NRXN3: variants seen among roughly 807,000 people sequenced by gnomAD.
The protein encoded by NRXN3 is neurexin III.
A neutral mutation model predicts 137.6 loss-of-function variants in NRXN3; 32 were observed. That is an observed-to-expected ratio of 0.23 (90% CI 0.18 to 0.31). The LOEUF is 0.31. Among genes scored for constraint, NRXN3 ranks in the 10% least tolerant of loss-of-function variants. NRXN3 has a pLI of 1.00. For synonymous variants in NRXN3, 798 were observed against 784.5 expected, an observed-to-expected ratio of 1.02 and a Z score of -0.29; for missense variants, 1,574 against 2,062.5, an observed-to-expected ratio of 0.76 and a Z score of 4.59.
chr14:78,998,762 CTTT>C (rs1237108042), intron 15 of NRXN3, among the ~76,000 whole-genome samples: 1 of 119,796 alleles, frequency 8.3e-6, no homozygotes. Flanking sequence ...CCATGCCCAG[CTTT>C]TTTTTTTTTT....
chr14:79,088,509 T>G (rs1161808989), intron 15 of NRXN3, among the ~76,000 whole-genome samples: 1 of 140,062 alleles, frequency 7.1e-6, no homozygotes, highest in African/African-American at 3.3e-5. Flanking sequence ...GTGTATAATA[T>G]GTTTGAATAT....
intron 10 of NRXN3, among the ~76,000 whole-genome samples, chr14:78,920,238 G>C (rs537316317): frequency 7.9e-5 from 12 of 152,322 alleles, no homozygotes; most frequent in Non-Finnish European, 1.3e-4. Flanking sequence ...GGAAAAGACA[G>C]ACTGGTGAAC....
At chr14:79,819,677 G>A (rs565780048) in intron 20 of NRXN3, among the ~76,000 whole-genome samples, 27 of 151,744 alleles carry the variant, frequency 1.8e-4, no homozygotes, top group African/African-American at 6.5e-4. Flanking sequence ...TAGAGACGGG[G>A]TTTCACCATG....
chr14:78,535,963 G>A (rs944683376), intron 4 of NRXN3, among the ~76,000 whole-genome samples: 6 of 151,738 alleles, frequency 4.0e-5, no homozygotes, highest in South Asian at 2.1e-4. Flanking sequence ...TTTTTTAATC[G>A]TGTGAAGCCA....
intron 20 of NRXN3, among the ~76,000 whole-genome samples, chr14:79,846,815 A>T (rs2099376015): frequency 6.6e-6 from 1 of 152,162 alleles, no homozygotes; most frequent in Admixed American, 6.5e-5. Flanking sequence ...TTTTCCTACC[A>T]ACTAGAATAC....
intron 16 of NRXN3, among the ~76,000 whole-genome samples, chr14:79,491,600 CA>C (rs140445434): frequency 1.3e-5 from 2 of 150,132 alleles, no homozygotes; most frequent in African/African-American, 2.5e-5. Flanking sequence ...TTTTTCGTCT[CA>C]AAAAAAAGCA....
At chr14:79,405,384 G>A (rs1449835588) in intron 15 of NRXN3, among the ~76,000 whole-genome samples, 2 of 152,128 alleles carry the variant, frequency 1.3e-5, no homozygotes, top group Admixed American at 6.6e-5. Context: ...GGGTAAGATA[G>A]TCTGGAGACA....
intron 20 of NRXN3, among the ~76,000 whole-genome samples, chr14:79,808,256 AT>A (rs1382194844): frequency 0.013 from 1,324 of 104,880 alleles, 5 homozygotes; most frequent in African/African-American, 0.032. Flanking sequence ...AAAAAAAAAA[AT>A]ATATATATAT....
intron 16 of NRXN3, among the ~76,000 whole-genome samples, chr14:79,631,978 T>A (rs946356403): frequency 6.6e-6 from 1 of 151,732 alleles, no homozygotes; most frequent in Non-Finnish European, 1.5e-5. Context: ...CAGCAGGAGG[T>A]CGGTAGGGCC....
chr14:78,647,746 T>C (rs974634514), intron 5 of NRXN3, among the ~76,000 whole-genome samples: 2 of 152,216 alleles, frequency 1.3e-5, no homozygotes, highest in Admixed American at 6.5e-5. Flanking sequence ...AAAAGCAAAG[T>C]TGATTTTGCA....
intron 10 of NRXN3, among the ~76,000 whole-genome samples, chr14:78,951,840 C>T (rs1010380577): frequency 2.0e-5 from 3 of 152,106 alleles, no homozygotes; most frequent in African/African-American, 7.2e-5. Context: ...AAGTGAGTAA[C>T]AGTATTCTAT....
At chr14:79,543,282 C>T (rs2097290698) in intron 16 of NRXN3, among the ~76,000 whole-genome samples, 1 of 152,214 alleles carries the variant, frequency 6.6e-6, no homozygotes, top group East Asian at 1.9e-4. Context: ...AGGGTTAGCA[C>T]CTTTCATGAC....
chr14:79,162,426 AATG>A (rs1002888730), intron 15 of NRXN3, among the ~76,000 whole-genome samples: 6 of 151,760 alleles, frequency 4.0e-5, no homozygotes, highest in Admixed American at 6.6e-5. Context: ...GTTTACTGAG[AATG>A]ATGATTTCCA....
At position 78,366,082 on chromosome 14, in the gene NRXN3, TA is replaced by T. The variant is rs149649362; in HGVS notation, c.757+68225del. 5.3e-3 allele frequency among the ~76,000 whole-genome samples: 809 copies of T among 152,280 alleles called. 9 individuals are homozygous for T. The highest frequency in any genetic ancestry group is 0.018 in the African/African-American group (736 of 41,552). On this transcript the variant is annotated intron_variant, in intron 4 of 20. Coordinates refer to ENST00000335750, the MANE Select transcript of NRXN3 (RefSeq NM_001330195.2). ...TCTCAAGCCTCAGTTTCTTCCTCTG[TA>T]AATGGGGATAATGATAGTGCTTATC...
chr14:79,824,909 A>G (rs1182212217), intron 20 of NRXN3, among the ~76,000 whole-genome samples: 2 of 152,248 alleles, frequency 1.3e-5, no homozygotes, highest in Non-Finnish European at 2.9e-5. Context: ...CTTATTTGAT[A>G]ACATCTATGC....
chr14:79,358,575 G>A (rs935182957), intron 15 of NRXN3, among the ~76,000 whole-genome samples: 16 of 107,862 alleles, frequency 1.5e-4, no homozygotes, highest in South Asian at 3.2e-4. Context: ...AAAAAAAAAA[G>A]AAAGAAAGAG....
At chr14:78,673,296 G>A (rs1341203670) in intron 6 of NRXN3, among the ~76,000 whole-genome samples, 1 of 152,204 alleles carries the variant, frequency 6.6e-6, no homozygotes, top group Non-Finnish European at 1.5e-5. Flanking sequence ...AAAGCCTGGT[G>A]CAGCCAATTG....
intron 15 of NRXN3, among the ~76,000 whole-genome samples, chr14:79,225,391 G>A (rs79680103): frequency 0.028 from 4,195 of 152,206 alleles, 137 homozygotes; most frequent in South Asian, 0.086. Flanking sequence ...TGTGCACTTA[G>A]CTCAATGTTA....
chr14:78,987,158 CA>C (rs1010944463), intron 14 of NRXN3, among the ~76,000 whole-genome samples: 1 of 151,964 alleles, frequency 6.6e-6, no homozygotes, highest in African/African-American at 2.4e-5. Flanking sequence ...TGCCTCCCTG[CA>C]AAAGTTTCTA....
Sources: gnomAD v4.1 joint callset for allele counts (sites outside exome capture counted in the v4.1 genomes callset) on GRCh38, gnomAD v4.1.1 for gene constraint, MANE v1.5 for transcripts, NCBI Gene and HGNC (gene_info 2026-07-23, HGNC 2026-07-21) for gene names.